The following RIN2 variants were observed in gnomAD, a reference collection of about 807,000 sequenced individuals.
The protein encoded by RIN2 is Ras and Rab interactor 2.
RIN2 carries 36 observed loss-of-function variants against 78.0 expected under a neutral mutation model. The ratio of observed to expected loss-of-function variants is 0.46; its 90% CI spans 0.35 to 0.61. The LOEUF (loss-of-function observed/expected upper bound fraction) is 0.61. RIN2 is among the 20% of genes least tolerant of loss of function. The pLI is 0.00. For synonymous variants in RIN2, 466 were observed against 466.8 expected (o/e 1.00, Z 0.02); for missense variants, 1,087 against 1,159.7 (o/e 0.94, Z 0.91).
intron 2 of RIN2, among the ~76,000 whole-genome samples, chr20:19,817,099 A>G (rs1374113700): frequency 6.6e-6 from 1 of 152,190 alleles, no homozygotes; most frequent in Non-Finnish European, 1.5e-5. Flanking sequence ...GCCTTCCATA[A>G]TGGGGAATCA....
intron 2 of RIN2, chr20:19,824,027 G>T (rs2036008969): frequency 2.4e-6 from 2 of 819,676 alleles, no homozygotes; most frequent in African/African-American, 1.7e-5. Flanking sequence ...GCCGAAAGCC[G>T]AGAGAGCTGC....
intron 12 of RIN2, 36 bp from the exon 13 acceptor site, chr20:20,000,577 C>A (rs543618367): frequency 6.5e-7 from 1 of 1,530,784 alleles, no homozygotes; most frequent in South Asian, 1.2e-5. Flanking sequence ...CTAGTTTTCT[C>A]TTCTGACTGT....
intron 2 of RIN2, among the ~76,000 whole-genome samples, chr20:19,802,246 G>A (rs765542065): frequency 3.3e-5 from 5 of 152,212 alleles, no homozygotes; most frequent in East Asian, 1.9e-4. Context: ...GTATCAAGGC[G>A]GAATTTGGAG....
intron 3 of RIN2, among the ~76,000 whole-genome samples, chr20:19,930,803 C>G (rs967785075): frequency 6.6e-6 from 1 of 152,204 alleles, no homozygotes; most frequent in African/African-American, 2.4e-5. Context: ...TCCCTTCACT[C>G]CTTCCATTTT....
At chr20:19,966,914 C>T (rs1412032927) in intron 7 of RIN2, among the ~76,000 whole-genome samples, 1 of 151,924 alleles carries the variant, frequency 6.6e-6, no homozygotes, top group Non-Finnish European at 1.5e-5. Flanking sequence ...CAGACACACA[C>T]ACACACACAC....
chr20:19,879,809 T>C (rs1311624145), intron 2 of RIN2, among the ~76,000 whole-genome samples: 1 of 152,112 alleles, frequency 6.6e-6, no homozygotes, highest in African/African-American at 2.4e-5. Flanking sequence ...AGTGGACTTG[T>C]AGAGAATAAA....
chr20:19,825,070 G>T (rs1346970801), intron 2 of RIN2, among the ~76,000 whole-genome samples: 2 of 152,238 alleles, frequency 1.3e-5, no homozygotes, highest in Non-Finnish European at 2.9e-5. Flanking sequence ...TGTGGGGTAT[G>T]AGTCATGCTC....
intron 4 of RIN2, among the ~76,000 whole-genome samples, chr20:19,945,278 T>C (rs903350627): frequency 9.2e-5 from 14 of 152,092 alleles, no homozygotes; most frequent in Non-Finnish European, 1.8e-4. Context: ...GTTGATTCCA[T>C]TGAAACTATG....
At chr20:19,953,452 C>G (rs1483814064) in intron 4 of RIN2, among the ~76,000 whole-genome samples, 1 of 151,252 alleles carries the variant, frequency 6.6e-6, no homozygotes, top group East Asian at 2.0e-4. Context: ...CTTTTCTTTT[C>G]TTTTTGAGAC....
chr20:19,847,407 A>G (rs768649911), intron 2 of RIN2, among the ~76,000 whole-genome samples: 6 of 152,168 alleles, frequency 3.9e-5, no homozygotes, highest in African/African-American at 9.7e-5. Flanking sequence ...GAAAATTCAC[A>G]TTTTAAAGAA....
intron 3 of RIN2, among the ~76,000 whole-genome samples, chr20:19,898,034 A>C (rs1280262208): frequency 6.6e-6 from 1 of 152,188 alleles, no homozygotes; most frequent in Non-Finnish European, 1.5e-5. Flanking sequence ...TTTTGGATGC[A>C]CACACATGCC....
At chr20:19,953,489 G>T (rs1267237733) in intron 4 of RIN2, among the ~76,000 whole-genome samples, 4 of 150,896 alleles carry the variant, frequency 2.7e-5, no homozygotes, top group Non-Finnish European at 4.4e-5. Context: ...GCCCAGCCTG[G>T]AGTGCAGTGG....
At position 19,919,742 on chromosome 20, in the gene RIN2, GC is replaced by G. The variant is rs145703839; in HGVS notation, c.58-15356del. Among the ~76,000 whole-genome samples the G allele has an allele frequency of 3.0e-3, 453 of 152,180 alleles. 2 individuals carry two copies. Among genetic ancestry groups the G allele is most frequent in the African/African-American group, 0.01 (424 of 41,514 alleles). On this transcript the variant is annotated intron_variant, in intron 3 of 12. Coordinates refer to ENST00000255006, the MANE Select transcript of RIN2 (RefSeq NM_018993.4). ...GATTGCTTGAACCCAGAAGGTGGAG[GC>G]TGCAGTGAGCCGAGATCATGCCACT...
In RIN2 at chr20:19,852,664, T is replaced by A. The variant is rs551956458; in HGVS notation, c.-36-36902T>A. 2.0e-5 allele frequency among the ~76,000 whole-genome samples: 3 copies of A among 152,316 alleles called. No individual in the cohort carries two copies. The South Asian group carries it at 6.2e-4, about 32-fold the overall frequency. ...AGACCTTGCCAAATTACTCTTTGTATGCTCTTTTCTAGCCTCCTCTCTGAT... is the reference window on the plus strand; with the variant it reads ...AGACCTTGCCAAATTACTCTTTGTAAGCTCTTTTCTAGCCTCCTCTCTGAT... On this transcript the variant is annotated intron_variant, in intron 2 of 12. Coordinates refer to ENST00000255006, the MANE Select transcript of RIN2 (RefSeq NM_018993.4).
intron 1 of RIN2, among the ~76,000 whole-genome samples, chr20:19,796,039 A>G (rs1329475276): frequency 6.6e-6 from 1 of 152,072 alleles, no homozygotes; most frequent in Non-Finnish European, 1.5e-5. Flanking sequence ...AAAAAAAAAG[A>G]AAGAAGAGAA....
At chr20:19,772,588 A>G (rs889797793) in intron 1 of RIN2, among the ~76,000 whole-genome samples, 1 of 152,252 alleles carries the variant, frequency 6.6e-6, no homozygotes, top group East Asian at 1.9e-4. Flanking sequence ...ACAAGCTTCC[A>G]CTGACAAGCA....
intron 6 of RIN2, among the ~76,000 whole-genome samples, chr20:19,962,288 A>G (rs2041785058): frequency 6.6e-6 from 1 of 152,060 alleles, no homozygotes; most frequent in South Asian, 2.1e-4. Flanking sequence ...CGTGTCTTAA[A>G]AATGAAAAAA....
At chr20:19,939,199 C>T (rs1368146157) in intron 4 of RIN2, among the ~76,000 whole-genome samples, 2 of 152,152 alleles carry the variant, frequency 1.3e-5, no homozygotes, top group African/African-American at 4.8e-5. Flanking sequence ...AGGCATGTGC[C>T]AAAATGCCTG....
chr20:19,963,384 T>TG (rs2041828889), intron 6 of RIN2, among the ~76,000 whole-genome samples: 1 of 152,010 alleles, frequency 6.6e-6, no homozygotes, highest in Admixed American at 6.6e-5. Context: ...GAGGCTGAGG[T>TG]GGGCGGATCG....
Sources: allele counts gnomAD v4.1 joint callset (sites outside exome capture counted in the v4.1 genomes callset), GRCh38; gene constraint gnomAD v4.1.1; transcripts MANE v1.5; gene names NCBI Gene and HGNC (gene_info 2026-07-23, HGNC 2026-07-21).